The following SPTSSA variants were observed in gnomAD, a reference collection of about 807,000 sequenced individuals.
SPTSSA encodes serine palmitoyltransferase small subunit A.
SPTSSA carries 8 observed loss-of-function variants against 9.1 expected under a neutral mutation model. The ratio of observed to expected loss-of-function variants is 0.88; its 90% CI spans 0.51 to 1.58. The LOEUF is 1.58. SPTSSA is among the 40% of genes most tolerant of loss of function. SPTSSA has a pLI of 0.00. For missense variants in SPTSSA, 100 were observed against 93.8 expected, an observed-to-expected ratio of 1.07 and a Z score of -0.27; for synonymous variants, 42 against 37.7, an observed-to-expected ratio of 1.11 and a Z score of -0.41.
chr14:34,450,326 T>C (rs1217922029), intron 1 of SPTSSA, among the ~76,000 whole-genome samples: 2 of 152,216 alleles, frequency 1.3e-5, no homozygotes, highest in African/African-American at 4.8e-5. Flanking sequence ...GTCCTTTCTT[T>C]CATTAACATT....
intron 1 of SPTSSA, among the ~76,000 whole-genome samples, chr14:34,444,107 TTAA>T (rs1883378879): frequency 6.6e-6 from 1 of 150,976 alleles, no homozygotes; most frequent in Non-Finnish European, 1.5e-5. Context: ...ATTAATTGGT[TTAA>T]TAATAATAAG....
chr14:34,447,548 G>A (rs945181377), intron 1 of SPTSSA, among the ~76,000 whole-genome samples: 3 of 152,142 alleles, frequency 2.0e-5, no homozygotes, highest in Non-Finnish European at 4.4e-5. Context: ...GACTGGAAAC[G>A]AAAATGATGG....
chr14:34,442,373 T>C (rs548592584), intron 1 of SPTSSA, among the ~76,000 whole-genome samples: 1 of 152,342 alleles, frequency 6.6e-6, no homozygotes, highest in African/African-American at 2.4e-5. Context: ...CTCATTACAG[T>C]TTATGGCTAT....
intron 1 of SPTSSA, among the ~76,000 whole-genome samples, chr14:34,451,962 A>C (rs1005107538): frequency 1.3e-5 from 2 of 152,086 alleles, no homozygotes; most frequent in African/African-American, 4.8e-5. Flanking sequence ...CTTTGACCTC[A>C]AAAAACTGCA....
At chr14:34,450,869 C>T (rs1205203535) in intron 1 of SPTSSA, among the ~76,000 whole-genome samples, 1 of 152,008 alleles carries the variant, frequency 6.6e-6, no homozygotes, top group East Asian at 1.9e-4. Flanking sequence ...TATTCATAAC[C>T]TGGGCATAAC....
intron 1 of SPTSSA, among the ~76,000 whole-genome samples, chr14:34,436,799 C>G (rs990265204): frequency 1.3e-5 from 2 of 152,162 alleles, no homozygotes; most frequent in Non-Finnish European, 2.9e-5. Context: ...CTGCCTGACT[C>G]AAGCCATAAA....
intron 1 of SPTSSA, among the ~76,000 whole-genome samples, chr14:34,456,100 G>A (rs1220108700): frequency 6.6e-6 from 1 of 151,892 alleles, no homozygotes; most frequent in Admixed American, 6.6e-5. Context: ...GAGGCAGGCG[G>A]ATCACGAGGT....
chr14:34,434,832 C>T lies in SPTSSA; in HGVS notation c.*369G>A, dbSNP rs1028025765. On this transcript the variant is annotated 3_prime_UTR_variant, in exon 2 of 2. Coordinates refer to ENST00000298130, the MANE Select transcript of SPTSSA (RefSeq NM_138288.4). The stretch of plus-strand genomic sequence containing the variant: ...CCATACAATAGCAAGAACAGTAAAG[C>T]CCAACTAATGATTTTGAGTTTTAAA... 6.3e-6 allele frequency: 1 copy of T among 159,112 alleles called. No homozygotes were observed. Among genetic ancestry groups the T allele is most frequent in the East Asian group, 1.8e-4 (1 of 5,508 alleles). The allele number at this position is 159,112 out of a possible 1,614,324, so 9.9% of individuals were successfully genotyped here.
At chr14:34,449,482 G>A (rs983765772) in intron 1 of SPTSSA, among the ~76,000 whole-genome samples, 3 of 149,874 alleles carry the variant, frequency 2.0e-5, no homozygotes, top group Middle Eastern at 7.2e-3. Context: ...TTACAGGCGT[G>A]AGCCACTGCA....
chr14:34,436,947 A>G (rs949695507), intron 1 of SPTSSA, among the ~76,000 whole-genome samples: 19 of 152,072 alleles, frequency 1.2e-4, no homozygotes, highest in East Asian at 3.8e-4. Flanking sequence ...AAAAAAAAAA[A>G]AGAGAGAAAG....
chr14:34,461,949 G>A (rs1878626700), intron 1 of SPTSSA, 147 bp downstream of exon 1: 1 of 92,172 alleles, frequency 1.1e-5, no homozygotes, highest in Non-Finnish European at 1.6e-5. Flanking sequence ...TCGGCCCCCA[G>A]ACCTCCCCCT....
chr14:34,442,062 G>C (rs1258511797), intron 1 of SPTSSA, among the ~76,000 whole-genome samples: 1 of 152,034 alleles, frequency 6.6e-6, no homozygotes, highest in Non-Finnish European at 1.5e-5. Context: ...TTTTAGTAGA[G>C]ATGCGGCTTC....
intron 1 of SPTSSA, among the ~76,000 whole-genome samples, chr14:34,450,074 T>C (rs1883493360): frequency 6.6e-6 from 1 of 152,222 alleles, no homozygotes; most frequent in African/African-American, 2.4e-5. Flanking sequence ...CTAGTCTCCT[T>C]ATCAATAAAA....
chr14:34,447,681 T>C (rs1201058179), intron 1 of SPTSSA, among the ~76,000 whole-genome samples: 1 of 152,220 alleles, frequency 6.6e-6, no homozygotes, highest in Non-Finnish European at 1.5e-5. Context: ...ACTAAGTTCA[T>C]GCACTGGGCC....
rs1883439161 is a variant in SPTSSA, at chr14:34,447,343, C to T, written c.113-12039G>A. Among the ~76,000 whole-genome samples the T allele has an allele frequency of 2.0e-5, 3 of 151,560 alleles. No individual in the cohort carries two copies. In the South Asian group the frequency reaches 6.2e-4, roughly 32 times the overall value. On this transcript the variant is annotated intron_variant, in intron 1 of 1. Coordinates refer to ENST00000298130, the MANE Select transcript of SPTSSA (RefSeq NM_138288.4). ...TTGGTATGGTGACCCGGGTAAGGAG[C>T]ATACTCCGAACTCTTGGTATTATCC...
intron 1 of SPTSSA, among the ~76,000 whole-genome samples, chr14:34,435,681 G>C (rs1883231539): frequency 1.4e-5 from 2 of 142,666 alleles, no homozygotes; most frequent in South Asian, 2.2e-4. Flanking sequence ...CAAGGCTGGA[G>C]TGTAATGGCA....
At chr14:34,441,808 C>T (rs1477042856) in intron 1 of SPTSSA, among the ~76,000 whole-genome samples, 1 of 152,006 alleles carries the variant, frequency 6.6e-6, no homozygotes, top group Non-Finnish European at 1.5e-5. Flanking sequence ...CCGCCCAGTT[C>T]GCTTAAACCT....
chr14:34,451,776 A>G (rs1181068823), intron 1 of SPTSSA, among the ~76,000 whole-genome samples: 1 of 152,080 alleles, frequency 6.6e-6, no homozygotes, highest in Non-Finnish European at 1.5e-5. Context: ...GAAATACTCA[A>G]GAGTTGTGAT....
intron 1 of SPTSSA, among the ~76,000 whole-genome samples, chr14:34,440,301 AAAAC>A (rs1459392809): frequency 1.3e-5 from 2 of 152,226 alleles, no homozygotes; most frequent in Non-Finnish European, 2.9e-5. Flanking sequence ...AGAAAAGACA[AAAAC>A]AGTTTCCAGG....
Sources: allele counts gnomAD v4.1 joint callset (sites outside exome capture counted in the v4.1 genomes callset), GRCh38; gene constraint gnomAD v4.1.1; transcripts MANE v1.5; gene names NCBI Gene and HGNC (gene_info 2026-07-23, HGNC 2026-07-21).